NCOA1: variants seen among roughly 807,000 people sequenced by gnomAD.
NCOA1 encodes nuclear receptor coactivator 1.
A neutral mutation model predicts 150.9 loss-of-function variants in NCOA1; 35 were observed. The observed-to-expected ratio is 0.23, with a 90% CI of 0.18 to 0.31. NCOA1 has a LOEUF of 0.31. NCOA1 is among the 10% of genes least tolerant of loss of function. The pLI is 1.00. For synonymous variants in NCOA1, 590 were observed against 630.0 expected, an observed-to-expected ratio of 0.94 and a Z score of 0.95; for missense variants, 1,491 against 1,749.3, an observed-to-expected ratio of 0.85 and a Z score of 2.63.
chr2:24,660,244 T>C (rs1671120393), intron 5 of NCOA1, among the ~76,000 whole-genome samples: 1 of 152,158 alleles, frequency 6.6e-6, no homozygotes, highest in African/African-American at 2.4e-5. Context: ...TAAATATCTT[T>C]TACATTTAAT....
chr2:24,751,412 G>A (rs1268347824), intron 19 of NCOA1, among the ~76,000 whole-genome samples: 4 of 151,508 alleles, frequency 2.6e-5, no homozygotes, highest in Non-Finnish European at 4.4e-5. Flanking sequence ...GTGAAACCCC[G>A]TCTCCTCTAA....
At chr2:24,756,915 C>T (rs1220710009) in intron 20 of NCOA1, among the ~76,000 whole-genome samples, 1 of 152,158 alleles carries the variant, frequency 6.6e-6, no homozygotes, top group Non-Finnish European at 1.5e-5. Flanking sequence ...GTAAAACAGG[C>T]TCTCTGAAAA....
intron 1 of NCOA1, among the ~76,000 whole-genome samples, chr2:24,502,920 A>G (rs1354570278): frequency 6.6e-6 from 1 of 152,146 alleles, no homozygotes; most frequent in Non-Finnish European, 1.5e-5. Flanking sequence ...TTGGTACTTT[A>G]TATGTACAAC....
intron 1 of NCOA1, among the ~76,000 whole-genome samples, chr2:24,533,872 G>A (rs554702573): frequency 3.9e-5 from 6 of 152,194 alleles, no homozygotes; most frequent in South Asian, 2.1e-4. Context: ...TTTTCACATC[G>A]TTGTTCATCA....
chr2:24,613,795 T>C (rs955895791), intron 3 of NCOA1, among the ~76,000 whole-genome samples: 2 of 152,140 alleles, frequency 1.3e-5, no homozygotes, highest in African/African-American at 4.8e-5. Flanking sequence ...TGGGCTGGCT[T>C]AGCCTGCTGA....
chr2:24,674,123 A>ATGTG (rs146841550), intron 7 of NCOA1, among the ~76,000 whole-genome samples: 2,490 of 145,280 alleles, frequency 0.017, 38 homozygotes, highest in African/African-American at 0.047. Flanking sequence ...ATATGTATGT[A>ATGTG]TGTGTGTGTG....
intron 3 of NCOA1, among the ~76,000 whole-genome samples, chr2:24,608,704 G>GTTTTTTTTTTT (rs56710627): frequency 6.9e-4 from 81 of 117,308 alleles, no homozygotes; most frequent in African/African-American, 1.7e-3. Flanking sequence ...TTGTTGTTGT[G>GTTTTTTTTTTT]TTTTTTTTTT....
intron 20 of NCOA1, among the ~76,000 whole-genome samples, chr2:24,754,926 A>G (rs1184980287): frequency 2.0e-5 from 3 of 152,218 alleles, no homozygotes; most frequent in African/African-American, 7.2e-5. Flanking sequence ...GCAAACTTTG[A>G]CTTTCCAAAT....
At chr2:24,643,488 C>T (rs1670324201) in intron 3 of NCOA1, among the ~76,000 whole-genome samples, 1 of 152,082 alleles carries the variant, frequency 6.6e-6, no homozygotes, top group Non-Finnish European at 1.5e-5. Flanking sequence ...ATTACTAGAA[C>T]CAGAGCTCAA....
chr2:24,657,882 GA>G (rs1336403278), intron 4 of NCOA1, among the ~76,000 whole-genome samples: 1 of 152,224 alleles, frequency 6.6e-6, no homozygotes, highest in Non-Finnish European at 1.5e-5. Flanking sequence ...AAAAGGTAGT[GA>G]TGATTGTAAG....
chr2:24,750,274 A>G (rs926602569), intron 19 of NCOA1, among the ~76,000 whole-genome samples: 1 of 152,238 alleles, frequency 6.6e-6, no homozygotes, highest in Non-Finnish European at 1.5e-5. Context: ...ATGAAAATGC[A>G]AAGGACCTAG....
At chr2:24,536,954 C>G (rs1279043432) in intron 1 of NCOA1, among the ~76,000 whole-genome samples, 1 of 151,970 alleles carries the variant, frequency 6.6e-6, no homozygotes, top group East Asian at 1.9e-4. Flanking sequence ...ATATAATGGA[C>G]TGTAGAGACT....
chr2:24,679,763 A>T (rs1672082128), intron 7 of NCOA1, among the ~76,000 whole-genome samples: 1 of 152,218 alleles, frequency 6.6e-6, no homozygotes, highest in Non-Finnish European at 1.5e-5. Flanking sequence ...AAATATTTTA[A>T]AAAAGAGTTT....
chr2:24,688,068 C>T (rs1211965437), intron 8 of NCOA1, among the ~76,000 whole-genome samples: 1 of 152,136 alleles, frequency 6.6e-6, no homozygotes, highest in Non-Finnish European at 1.5e-5. Flanking sequence ...ATCCATGTTC[C>T]TGCAGAGGAC....
In NCOA1 at chr2:24,705,278, A is replaced by G. The variant is rs751967253; in HGVS notation, c.1097+45A>G. 10 of 1,583,044 alleles carry G rather than the reference A, an allele frequency of 6.3e-6. No individual in the cohort carries two copies. The East Asian group carries it at 1.3e-4, about 21-fold the overall frequency. On this transcript the variant is annotated intron_variant, in intron 12 of 22. Coordinates refer to ENST00000348332, the MANE Select transcript of NCOA1 (RefSeq NM_003743.5). ...CTTCATATGAAATAAGCCAGTTCACATATCTCTTATTAGAGAAATTTTTTA... is the reference window on the plus strand; with the variant it reads ...CTTCATATGAAATAAGCCAGTTCACGTATCTCTTATTAGAGAAATTTTTTA...
chr2:24,575,942 T>G (rs1049578375), intron 2 of NCOA1, among the ~76,000 whole-genome samples: 2 of 152,116 alleles, frequency 1.3e-5, no homozygotes, highest in African/African-American at 4.8e-5. Context: ...TTGATGCCCT[T>G]TAAGACTTGT....
chr2:24,703,431 C>T (rs1673261981), intron 11 of NCOA1, among the ~76,000 whole-genome samples: 1 of 152,126 alleles, frequency 6.6e-6, no homozygotes, highest in Non-Finnish European at 1.5e-5. Flanking sequence ...AAATCTTAGT[C>T]CATACATTCT....
At chr2:24,521,894 T>TA (rs1664431930) in intron 1 of NCOA1, among the ~76,000 whole-genome samples, 1 of 152,194 alleles carries the variant, frequency 6.6e-6, no homozygotes, top group Admixed American at 6.5e-5. Flanking sequence ...CAAAACTTGT[T>TA]ATCTTTTTTC....
chr2:24,569,975 G>A (rs1666676737), intron 2 of NCOA1, among the ~76,000 whole-genome samples: 4 of 150,092 alleles, frequency 2.7e-5, no homozygotes, highest in African/African-American at 9.8e-5. Context: ...CAAAATGCAA[G>A]CAGAAAGTAG....
Sources: gnomAD v4.1 joint callset for allele counts (sites outside exome capture counted in the v4.1 genomes callset) on GRCh38, gnomAD v4.1.1 for gene constraint, MANE v1.5 for transcripts, NCBI Gene and HGNC (gene_info 2026-07-23, HGNC 2026-07-21) for gene names.